The following SLC12A8 variants were observed in gnomAD, a reference collection of about 807,000 sequenced individuals.
SLC12A8 encodes the protein cation-chloride cotransporter 9.
A neutral mutation model predicts 75.6 loss-of-function variants in SLC12A8; 69 were observed. That is an observed-to-expected ratio of 0.91 (90% CI 0.75 to 1.11). The LOEUF (loss-of-function observed/expected upper bound fraction) is 1.11. SLC12A8 is among the 50% of genes most tolerant of loss of function. SLC12A8 has a pLI of 0.00. For synonymous variants in SLC12A8, 365 were observed against 372.8 expected, an observed-to-expected ratio of 0.98 and a Z score of 0.24; for missense variants, 877 against 896.7, an observed-to-expected ratio of 0.98 and a Z score of 0.28.
At chr3:125,179,148 T>C (rs2107789215) in intron 4 of SLC12A8, among the ~76,000 whole-genome samples, 1 of 152,328 alleles carries the variant, frequency 6.6e-6, no homozygotes, top group South Asian at 2.1e-4. Flanking sequence ...CAAATTCTAT[T>C]AGGGCCTCAT....
At chr3:125,158,283 C>T (rs1324136076) in intron 5 of SLC12A8, among the ~76,000 whole-genome samples, 9 of 151,868 alleles carry the variant, frequency 5.9e-5, no homozygotes, top group Non-Finnish European at 8.8e-5. Context: ...TGCAGTGGCG[C>T]GATCTTGGCT....
At chr3:125,179,997 A>G (rs1934619804) in intron 4 of SLC12A8, among the ~76,000 whole-genome samples, 1 of 152,198 alleles carries the variant, frequency 6.6e-6, no homozygotes, top group Admixed American at 6.5e-5. Flanking sequence ...GGATGATGCC[A>G]TGGGACCATC....
At chr3:125,098,310 T>C (rs1027228928) in intron 10 of SLC12A8, among the ~76,000 whole-genome samples, 70 of 152,208 alleles carry the variant, frequency 4.6e-4, no homozygotes, top group African/African-American at 1.6e-3. Context: ...TGCTGAGCAC[T>C]TATTTCTAAT....
intron 2 of SLC12A8, 149 bp from the exon 3 acceptor site, chr3:125,190,670 C>T: frequency 2.5e-6 from 2 of 788,900 alleles, no homozygotes; most frequent in South Asian, 3.3e-5. Flanking sequence ...TGTATACACA[C>T]ATGCATGCAC....
At chr3:125,171,203 A>T (rs1934399601) in intron 5 of SLC12A8, among the ~76,000 whole-genome samples, 1 of 27,844 alleles carries the variant, frequency 3.6e-5, no homozygotes, top group African/African-American at 6.8e-5. Context: ...ACACTTCTCC[A>T]TTGAAAGATA....
chr3:125,143,683 G>A (rs1241125400), intron 5 of SLC12A8, among the ~76,000 whole-genome samples: 1 of 152,256 alleles, frequency 6.6e-6, no homozygotes, highest in East Asian at 1.9e-4. Context: ...CTAGAGCCCT[G>A]CCTGGCCATG....
intron 6 of SLC12A8, among the ~76,000 whole-genome samples, chr3:125,135,255 G>T (rs72965825): frequency 2.6e-5 from 4 of 152,196 alleles, no homozygotes; most frequent in Non-Finnish European, 5.9e-5. Context: ...GGGAAGTTTC[G>T]ATTCCAGGTA....
intron 2 of SLC12A8, among the ~76,000 whole-genome samples, chr3:125,196,880 G>A (rs1287996847): frequency 6.6e-6 from 1 of 152,142 alleles, no homozygotes; most frequent in Non-Finnish European, 1.5e-5. Flanking sequence ...AGTGAGCTAC[G>A]ATCATGCTGC....
At chr3:125,193,662 A>G (rs1934950353) in intron 2 of SLC12A8, among the ~76,000 whole-genome samples, 1 of 152,214 alleles carries the variant, frequency 6.6e-6, no homozygotes, top group African/African-American at 2.4e-5. Context: ...TCCCGTCCAC[A>G]TACACACAAA....
chr3:125,087,388 C>T (rs969931654), intron 13 of SLC12A8, among the ~76,000 whole-genome samples: 3 of 152,126 alleles, frequency 2.0e-5, no homozygotes, highest in Admixed American at 6.5e-5. Flanking sequence ...CCACCACGCC[C>T]AGCCCTATTT....
At chr3:125,152,888 G>A (rs577787435) in intron 5 of SLC12A8, among the ~76,000 whole-genome samples, 8 of 152,130 alleles carry the variant, frequency 5.3e-5, no homozygotes, top group African/African-American at 7.2e-5. Context: ...CCTATTCTCC[G>A]CTGTATCCCA....
At chr3:125,211,542 C>T (rs1935337402) in intron 1 of SLC12A8, 148 bp from the exon 2 acceptor site, 1 of 626,524 alleles carries the variant, frequency 1.6e-6, no homozygotes, top group Non-Finnish European at 2.9e-6. Context: ...GGAAACTTGG[C>T]CGGGTTACCT....
intron 5 of SLC12A8, among the ~76,000 whole-genome samples, chr3:125,175,167 G>A (rs1934492380): frequency 6.6e-6 from 1 of 152,152 alleles, no homozygotes; most frequent in African/African-American, 2.4e-5. Flanking sequence ...AGGAAAAGTA[G>A]AAATAAGATA....
In SLC12A8 at chr3:125,190,543, A is replaced by G. The variant is rs779969873; in HGVS notation, c.52-22T>C. ...CATCCTGCAAACAGAACACACAGAA[A>G]TCAGCTGAGGGGCCATTGGGAGGGC... On this transcript the variant is annotated intron_variant, in intron 2 of 13. Coordinates refer to ENST00000469902, the MANE Select transcript of SLC12A8 (RefSeq NM_024628.6). 3.7e-6 allele frequency: 6 copies of G among 1,612,826 alleles called. No individual in the cohort carries two copies. The Admixed American group carries it at 6.7e-5, about 18-fold the overall frequency.
intron 5 of SLC12A8, among the ~76,000 whole-genome samples, chr3:125,165,990 A>G (rs1934278151): frequency 6.6e-6 from 1 of 152,222 alleles, no homozygotes; most frequent in Non-Finnish European, 1.5e-5. Flanking sequence ...TTAAAAATAT[A>G]TAGAACAGTG....
Position 125,118,754 on chromosome 3 carries a change from G to C in SLC12A8, c.912+15C>G. On this transcript the variant is annotated intron_variant, in intron 8 of 13. Transcript: ENST00000469902. The stretch of plus-strand genomic sequence containing the variant: ...CGGCAGACTGAGCCCTTGGAGTAGC[G>C]CAGGCCTCACTCACCTTTTCCGCTA... The C allele has an allele frequency of 6.3e-7, 1 of 1,598,000 alleles. No homozygotes were observed. The highest frequency in any genetic ancestry group is 2.2e-5 in the East Asian group (1 of 44,756).
At chr3:125,098,087 TAATA>T (rs1938760981) in intron 10 of SLC12A8, among the ~76,000 whole-genome samples, 1 of 152,222 alleles carries the variant, frequency 6.6e-6, no homozygotes, top group Non-Finnish European at 1.5e-5. Context: ...AATTTTTAAA[TAATA>T]AATTTAAGTA....
chr3:125,140,533 C>T (rs554663020), intron 5 of SLC12A8, among the ~76,000 whole-genome samples: 40 of 152,178 alleles, frequency 2.6e-4, no homozygotes, highest in African/African-American at 9.6e-4. Flanking sequence ...AGACAGGAGT[C>T]CTATCCTGTG....
At chr3:125,127,917 G>A (rs190928840) in intron 6 of SLC12A8, among the ~76,000 whole-genome samples, 141 of 151,638 alleles carry the variant, frequency 9.3e-4, no homozygotes, top group Middle Eastern at 3.4e-3. Context: ...TCACTTTGTC[G>A]CCAGATTGGA....
Sources: gnomAD v4.1 joint callset for allele counts (sites outside exome capture counted in the v4.1 genomes callset) on GRCh38, gnomAD v4.1.1 for gene constraint, MANE v1.5 for transcripts, NCBI Gene and HGNC (gene_info 2026-07-23, HGNC 2026-07-21) for gene names.